The following NDUFAF2 variants were observed in gnomAD, a reference collection of about 807,000 sequenced individuals.
The protein encoded by NDUFAF2 is NADH dehydrogenase [ubiquinone] 1 alpha subcomplex assembly factor 2.
In NDUFAF2, 13 loss-of-function variants were observed where a neutral mutation model predicts 22.8. The observed-to-expected ratio is 0.57, with a 90% confidence interval of 0.37 to 0.91. The LOEUF is 0.91. NDUFAF2 is among the 40% of genes least tolerant of loss of function. The probability of loss-of-function intolerance (pLI) is 0.01; values close to 1 mark genes in which losing one functional copy is unlikely to be tolerated. For synonymous variants in NDUFAF2, 53 were observed against 64.2 expected, an observed-to-expected ratio of 0.83 and a Z score of 0.84; for missense variants, 162 against 195.2, an observed-to-expected ratio of 0.83 and a Z score of 1.01.
intron 2 of NDUFAF2, among the ~76,000 whole-genome samples, chr5:61,089,968 G>T (rs192463688): frequency 6.6e-6 from 1 of 151,686 alleles, no homozygotes; most frequent in East Asian, 1.9e-4. Flanking sequence ...AGACTCATCA[G>T]TAGGGCAGAT....
At chr5:60,993,812 T>C (rs555670552) in intron 1 of NDUFAF2, among the ~76,000 whole-genome samples, 1 of 152,342 alleles carries the variant, frequency 6.6e-6, no homozygotes, top group East Asian at 1.9e-4. Context: ...CAGCTCTGGC[T>C]GAGCCCAGGG....
At chr5:61,005,543 C>T (rs1389993369) in intron 1 of NDUFAF2, among the ~76,000 whole-genome samples, 1 of 152,206 alleles carries the variant, frequency 6.6e-6, no homozygotes, top group Non-Finnish European at 1.5e-5. Flanking sequence ...AACTAGTTCA[C>T]AGTCCCACCA....
chr5:60,945,319 C>T lies in NDUFAF2; in HGVS notation c.64C>T (p.His22Tyr), dbSNP rs1439697276. 1.2e-6 allele frequency: 2 copies of T among 1,614,054 alleles called. No homozygotes were observed. Among genetic ancestry groups the T allele is most frequent in the African/African-American group, 1.3e-5 (1 of 75,046 alleles). ...ATCGCTGTCAAGGGAAGTGAAGGAG[C>T]ACGTGGGCACGGACCAATTCGGGAA... ...WRSLSREVKEHVGTDQFGNKY... is the reference protein window; with the variant it reads ...WRSLSREVKEYVGTDQFGNKY... The change falls in exon 1 of 4, where the codon CAC (histidine) becomes TAC (tyrosine). Residue 22 changes from histidine (H) to tyrosine (Y), a missense_variant. His to Tyr is a moderately conservative substitution (Grantham distance 83). This residue lies in a region of NDUFAF2 where 94 missense variants were observed against 85.2 expected (regional missense o/e 1.10). Coordinates refer to ENST00000296597, the MANE Select transcript of NDUFAF2 (RefSeq NM_174889.5).
chr5:60,968,987 T>C (rs2112571720), intron 1 of NDUFAF2, among the ~76,000 whole-genome samples: 1 of 152,244 alleles, frequency 6.6e-6, no homozygotes, highest in Middle Eastern at 3.4e-3. Context: ...GCTGGGCTTA[T>C]TCCACTTTGC....
At chr5:61,035,909 C>G (rs1004339230) in intron 1 of NDUFAF2, among the ~76,000 whole-genome samples, 2 of 152,108 alleles carry the variant, frequency 1.3e-5, no homozygotes, top group African/African-American at 4.8e-5. Context: ...ATCCGTCATA[C>G]TATTTAAAAT....
intron 3 of NDUFAF2, among the ~76,000 whole-genome samples, chr5:61,136,612 G>A (rs1178259988): frequency 1.3e-5 from 2 of 152,108 alleles, no homozygotes. Context: ...ACCAGGATCT[G>A]AGACAAGGAT....
At chr5:60,993,459 G>T (rs1751186968) in intron 1 of NDUFAF2, among the ~76,000 whole-genome samples, 1 of 152,200 alleles carries the variant, frequency 6.6e-6, no homozygotes, top group African/African-American at 2.4e-5. Flanking sequence ...GTTCTCCTGA[G>T]TCCAGGAAGA....
chr5:61,032,677 C>G (rs949332880), intron 1 of NDUFAF2, among the ~76,000 whole-genome samples: 24 of 152,070 alleles, frequency 1.6e-4, no homozygotes, highest in Admixed American at 1.6e-3. Context: ...CAGCTTTGTT[C>G]TTTTTGCTTA....
At chr5:60,993,761 T>C (rs1751191638) in intron 1 of NDUFAF2, among the ~76,000 whole-genome samples, 1 of 151,884 alleles carries the variant, frequency 6.6e-6, no homozygotes, top group Non-Finnish European at 1.5e-5. Context: ...GTTCCTGGAG[T>C]GGGTAGTTCC....
At chr5:61,022,747 C>T (rs1401615765) in intron 1 of NDUFAF2, among the ~76,000 whole-genome samples, 3 of 152,100 alleles carry the variant, frequency 2.0e-5, no homozygotes, top group South Asian at 2.1e-4. Context: ...CAGGTTCAAG[C>T]GATTCTCCTG....
At chr5:61,055,483 G>A (rs1752076004) in intron 1 of NDUFAF2, among the ~76,000 whole-genome samples, 1 of 152,186 alleles carries the variant, frequency 6.6e-6, no homozygotes, top group South Asian at 2.1e-4. Context: ...ACTTTTTCAG[G>A]TGGGTGTGAG....
intron 1 of NDUFAF2, among the ~76,000 whole-genome samples, chr5:61,051,618 G>A (rs1265000123): frequency 6.6e-6 from 1 of 152,152 alleles, no homozygotes; most frequent in African/African-American, 2.4e-5. Flanking sequence ...AAACACTAAA[G>A]TGAAGAGTTT....
At chr5:60,973,105 T>C (rs1406722578) in intron 1 of NDUFAF2, among the ~76,000 whole-genome samples, 2 of 152,302 alleles carry the variant, frequency 1.3e-5, no homozygotes, top group East Asian at 3.9e-4. Flanking sequence ...TCTTGCACTC[T>C]GATCCTTGCC....
intron 3 of NDUFAF2, among the ~76,000 whole-genome samples, chr5:61,141,412 T>C (rs558532062): frequency 6.6e-6 from 1 of 152,270 alleles, no homozygotes; most frequent in African/African-American, 2.4e-5. Flanking sequence ...GTTGTGTCTT[T>C]TAACTCAATC....
intron 1 of NDUFAF2, among the ~76,000 whole-genome samples, chr5:61,019,755 A>G (rs944308047): frequency 6.6e-6 from 1 of 152,134 alleles, no homozygotes; most frequent in African/African-American, 2.4e-5. Context: ...ATATATTCTT[A>G]TAAATGAGAT....
chr5:61,050,029 C>T (rs1264648798), intron 1 of NDUFAF2, among the ~76,000 whole-genome samples: 1 of 151,902 alleles, frequency 6.6e-6, no homozygotes, highest in Non-Finnish European at 1.5e-5. Flanking sequence ...CTGCAATGCA[C>T]ATGGACATAC....
intron 2 of NDUFAF2, among the ~76,000 whole-genome samples, chr5:61,079,593 T>G (rs1166212697): frequency 6.6e-6 from 1 of 152,226 alleles, no homozygotes; most frequent in Non-Finnish European, 1.5e-5. Context: ...TCCAGTACAC[T>G]TGAATAGAAA....
At chr5:60,992,252 C>T (rs187529506) in intron 1 of NDUFAF2, among the ~76,000 whole-genome samples, 1 of 152,104 alleles carries the variant, frequency 6.6e-6, no homozygotes, top group African/African-American at 2.4e-5. Flanking sequence ...TGGGTTGTCT[C>T]TTCTCTTTGT....
At chr5:60,957,546 C>A (rs1325449831) in intron 1 of NDUFAF2, among the ~76,000 whole-genome samples, 1 of 148,100 alleles carries the variant, frequency 6.8e-6, no homozygotes, top group Non-Finnish European at 1.5e-5. Flanking sequence ...CTCCCTTTAT[C>A]TTTTTAAAAG....
Sources: allele counts gnomAD v4.1 joint callset (sites outside exome capture counted in the v4.1 genomes callset), GRCh38; gene constraint gnomAD v4.1.1; regional missense constraint gnomAD v4.1.1; transcripts MANE v1.5; gene names NCBI Gene and HGNC (gene_info 2026-07-23, HGNC 2026-07-21).